Variants in CCDC141 observed in about 807,000 individuals in gnomAD.
The protein encoded by CCDC141 is coiled-coil domain containing 141, also known as coiled-coil domain-containing protein 141.
CCDC141 carries 168 observed loss-of-function variants against 181.0 expected under a neutral mutation model. The ratio of observed to expected loss-of-function variants is 0.93; its 90% CI spans 0.82 to 1.05. The LOEUF (loss-of-function observed/expected upper bound fraction) is 1.05, where lower values mean the gene tolerates loss of function less well. Among genes scored for constraint, CCDC141 ranks in the 50% least tolerant of loss-of-function variants. The pLI is 0.00. For synonymous variants in CCDC141, 666 were observed against 642.3 expected (o/e 1.04, Z -0.56); for missense variants, 1,902 against 1,788.5 (o/e 1.06, Z -1.14).
rs182128539 is a variant in CCDC141, at chr2:178,963,838, G to T, written c.527-2355C>A. Reference sequence around the variant, plus strand: ...ACGAGAGTGTGATTATGTTCCCTGGGCAATTTGATTGTGAGTTAACAACGT... The same window carrying T: ...ACGAGAGTGTGATTATGTTCCCTGGTCAATTTGATTGTGAGTTAACAACGT... On this transcript the variant is annotated intron_variant, in intron 4 of 23. Coordinates refer to ENST00000443758, the MANE Select transcript of CCDC141 (RefSeq NM_173648.4). 2.1e-3 allele frequency among the ~76,000 whole-genome samples: 320 copies of T among 152,272 alleles called. 2 individuals are homozygous for T. Among genetic ancestry groups the T allele is most frequent in the African/African-American group, 7.4e-3 (307 of 41,552 alleles).
rs148894373 is a variant in CCDC141, at chr2:179,014,797, C to G, written c.225+32487G>C. On this transcript the variant is annotated intron_variant, in intron 2 of 23. Coordinates refer to ENST00000443758, the MANE Select transcript of CCDC141 (RefSeq NM_173648.4). ...TAGATGTTGGCATGGATGCGGCAAC[C>G]AGGGAACACTTCTACGCTGCTGGTG... Among the ~76,000 whole-genome samples, 10 of 151,798 alleles carry G rather than the reference C, an allele frequency of 6.6e-5. No individual in the cohort carries two copies. In the East Asian group the frequency reaches 1.9e-3, roughly 29 times the overall value.
At chr2:179,033,719 T>C (rs1457587841) in intron 2 of CCDC141, among the ~76,000 whole-genome samples, 2 of 152,122 alleles carry the variant, frequency 1.3e-5, no homozygotes, top group African/African-American at 4.8e-5. Context: ...CTATTTTCCA[T>C]GAAAAAATTT....
chr2:179,041,508 T>C (rs1270496441), intron 2 of CCDC141, among the ~76,000 whole-genome samples: 1 of 144,796 alleles, frequency 6.9e-6, no homozygotes, highest in Non-Finnish European at 1.5e-5. Flanking sequence ...TTTTTTTTTT[T>C]TTTTTTTTGC....
rs1250895265 is a variant in CCDC141 at position 178,975,105 on chromosome 2, C to A, written c.478G>T (p.Ala160Ser). 6.5e-7 allele frequency: 1 copy of A among 1,530,908 alleles called. No homozygotes were observed. Among genetic ancestry groups the A allele is most frequent in the African/African-American group, 1.4e-5 (1 of 72,950 alleles). The allele number at this position is 1,530,908 out of a possible 1,614,324, so 94.8% of individuals were successfully genotyped here. A position where few individuals can be genotyped will look rare whatever the true frequency, so the allele number is the denominator to read the frequency against. Residue 160 changes from alanine to serine, a missense_variant, in exon 4 of 24, where the codon GCT becomes TCT. Ala to Ser is a moderately conservative substitution (Grantham distance 99). Coordinates refer to ENST00000443758, the MANE Select transcript of CCDC141 (RefSeq NM_173648.4). ...FLQNTHEFESAESLKSLLQLH... is the reference protein window; with the variant it reads ...FLQNTHEFESSESLKSLLQLH... The stretch of plus-strand genomic sequence containing the variant: ...TGAAGAAGTGATTTTAAGGACTCAG[C>A]ACTCTCAAACTCATGAGTATTCTGG...
At chr2:179,006,393 G>A (rs991110072) in intron 2 of CCDC141, among the ~76,000 whole-genome samples, 2 of 152,128 alleles carry the variant, frequency 1.3e-5, no homozygotes, top group South Asian at 2.1e-4. Context: ...AAAAACAGTG[G>A]GAGTTTTCAT....
chr2:178,888,464 C>T, intron 9 of CCDC141, 63 bp downstream of exon 9: 1 of 1,469,434 alleles, frequency 6.8e-7, no homozygotes, highest in Admixed American at 2.0e-5. Context: ...TGCCCACATA[C>T]TGCCCTACCA....
At chr2:178,973,164 C>T (rs1575286958) in intron 4 of CCDC141, among the ~76,000 whole-genome samples, 1 of 152,140 alleles carries the variant, frequency 6.6e-6, no homozygotes, top group African/African-American at 2.4e-5. Flanking sequence ...TAATCTTAAT[C>T]ATATCCCATG....
intron 8 of CCDC141, among the ~76,000 whole-genome samples, chr2:178,903,013 C>T (rs1390257089): frequency 4.0e-5 from 6 of 149,984 alleles, no homozygotes; most frequent in African/African-American, 1.5e-4. Flanking sequence ...AAAGTGCTCA[C>T]CATCACTGGC....
chr2:178,897,313 T>C (rs1687458553), intron 8 of CCDC141, among the ~76,000 whole-genome samples: 1 of 152,178 alleles, frequency 6.6e-6, no homozygotes, highest in African/African-American at 2.4e-5. Flanking sequence ...ACTCAATAAA[T>C]ATTTCTGAAT....
At chr2:178,896,245 T>C (rs1323223934) in intron 8 of CCDC141, among the ~76,000 whole-genome samples, 1 of 152,218 alleles carries the variant, frequency 6.6e-6, no homozygotes, top group Non-Finnish European at 1.5e-5. Context: ...CTCTCAGATT[T>C]CACCCTTTCA....
chr2:178,939,253 C>T (rs1464528825), intron 6 of CCDC141, among the ~76,000 whole-genome samples: 1 of 152,094 alleles, frequency 6.6e-6, no homozygotes, highest in Non-Finnish European at 1.5e-5. Flanking sequence ...TTAAGAAAAC[C>T]TTCCATAATT....
chr2:179,037,071 C>T (rs1452523676), intron 2 of CCDC141, among the ~76,000 whole-genome samples: 1 of 152,176 alleles, frequency 6.6e-6, no homozygotes, highest in Non-Finnish European at 1.5e-5. Context: ...ACTAGCTGCC[C>T]TAGGTGGGAC....
intron 2 of CCDC141, among the ~76,000 whole-genome samples, chr2:179,034,056 C>T (rs752444867): frequency 7.9e-5 from 12 of 152,050 alleles, no homozygotes; most frequent in African/African-American, 1.9e-4. Flanking sequence ...ATGTTCATTG[C>T]GGCACTATTC....
In CCDC141 at chr2:178,884,931, A is replaced by G. The variant is rs184411598; in HGVS notation, c.1689T>C (p.Thr563=). 2 of 1,550,352 alleles carry G rather than the reference A, an allele frequency of 1.3e-6. No homozygotes were observed. Among genetic ancestry groups the G allele is most frequent in the Admixed American group, 2.0e-5 (1 of 51,000 alleles). The part of the protein sequence containing the change: ...SIDYRSQVLQ[T]YVAFLKSSEE... ...CTGATGACTTCAGAAATGCCACGTA[A>G]GTTTGCAGGACTTGCGATCTATAGT... Residue 563 remains threonine, a synonymous_variant, in exon 11 of 24, where the codon ACT becomes ACC. Coordinates refer to ENST00000443758, the MANE Select transcript of CCDC141 (RefSeq NM_173648.4).
the CCDC141 span, among the ~76,000 whole-genome samples, chr2:178,819,294 G>A: frequency 6.6e-6 from 1 of 152,020 alleles, no homozygotes; most frequent in Non-Finnish European, 1.5e-5. Context: ...ACATTTAATT[G>A]AACATCATCA....
intron 4 of CCDC141, among the ~76,000 whole-genome samples, chr2:178,963,659 C>T (rs1690500041): frequency 6.6e-6 from 1 of 150,956 alleles, no homozygotes; most frequent in Admixed American, 6.6e-5. Context: ...TTTCAATTGA[C>T]ACTTTTTTTT....
chr2:178,824,203 T>A, the CCDC141 span, among the ~76,000 whole-genome samples: 1 of 152,220 alleles, frequency 6.6e-6, no homozygotes, highest in Non-Finnish European at 1.5e-5. Flanking sequence ...CAATTTCTTA[T>A]ATTTAAAGAA....
downstream of CCDC141, among the ~76,000 whole-genome samples, chr2:178,828,009 T>C (rs1407791971): frequency 1.3e-5 from 2 of 152,154 alleles, no homozygotes; most frequent in East Asian, 3.9e-4. Flanking sequence ...CTCCAATCTC[T>C]GCCTCTGTTG....
chr2:178,968,285 T>A (rs1354545195), intron 4 of CCDC141, among the ~76,000 whole-genome samples: 1 of 152,152 alleles, frequency 6.6e-6, no homozygotes, highest in Non-Finnish European at 1.5e-5. Flanking sequence ...AGAATATACA[T>A]TTTTCTCAGC....
Sources: gnomAD v4.1 joint callset for allele counts (sites outside exome capture counted in the v4.1 genomes callset) on GRCh38, gnomAD v4.1.1 for gene constraint, MANE v1.5 for transcripts, NCBI Gene and HGNC (gene_info 2026-07-23, HGNC 2026-07-21) for gene names.